Variants in SDK1 observed in about 807,000 individuals in gnomAD.
SDK1 encodes protein sidekick-1.
SDK1 carries 157 observed loss-of-function variants against 245.5 expected under a neutral mutation model. That is an observed-to-expected ratio of 0.64 (90% CI 0.56 to 0.73). SDK1 has a LOEUF of 0.73. Ranked by LOEUF, SDK1 falls within the 30% of genes least tolerant of loss-of-function variation. SDK1 has a pLI of 0.00. For missense variants in SDK1, 3,583 were observed against 3,002.3 expected (o/e 1.19, Z -4.52); for synonymous variants, 1,647 against 1,278.5 (o/e 1.29, Z -6.15).
chr7:3,475,997 T>A (rs1309126398), intron 1 of SDK1: 160 of 152,688 alleles, frequency 1.0e-3, no homozygotes, highest in Non-Finnish European at 1.2e-4. Context: ...GCTTATTATC[T>A]TTTGGTAATT....
At chr7:3,795,499 A>G (rs138320233) in intron 4 of SDK1, among the ~76,000 whole-genome samples, 1 of 152,190 alleles carries the variant, frequency 6.6e-6, no homozygotes, top group Non-Finnish European at 1.5e-5. Flanking sequence ...AAGGAATCTT[A>G]GTGACTTTAA....
chr7:3,756,202 A>T (rs551421721), intron 4 of SDK1, among the ~76,000 whole-genome samples: 1 of 149,396 alleles, frequency 6.7e-6, no homozygotes, highest in Admixed American at 6.7e-5. Context: ...TTCACATGGC[A>T]TAGCACCTGT....
chr7:3,691,330 G>T (rs141900956), intron 4 of SDK1, among the ~76,000 whole-genome samples: 4 of 152,126 alleles, frequency 2.6e-5, no homozygotes, highest in African/African-American at 7.2e-5. Context: ...GCTCTTACTC[G>T]AAGTACAAGA....
chr7:3,969,332 C>T lies in SDK1; in HGVS notation c.1622C>T (p.Ala541Val), dbSNP rs200916324. ...CTTGAATCGGGGGGTCTACAGATCG[C>T]GCCCGTCTTCATCCAGGATGCCGGC... is the stretch of plus-strand genomic sequence containing the variant. Reference protein sequence around the residue: ...MLLESGGLQIAPVFIQDAGNY... With the variant: ...MLLESGGLQIVPVFIQDAGNY... The change falls in exon 11 of 45, where the codon GCG (alanine) becomes GTG (valine). Residue 541 changes from alanine (A) to valine (V), a missense_variant. Ala to Val is a moderately conservative substitution (Grantham distance 64). Transcript: ENST00000404826. The T allele has an allele frequency of 1.2e-5, 19 of 1,611,186 alleles. No individual in the cohort carries two copies. Among genetic ancestry groups the T allele is most frequent in the African/African-American group, 1.1e-4 (8 of 74,938 alleles).
intron 1 of SDK1, among the ~76,000 whole-genome samples, chr7:3,521,297 C>G (rs759040806): frequency 7.2e-5 from 11 of 152,186 alleles, no homozygotes; most frequent in Non-Finnish European, 1.6e-4. Flanking sequence ...GCCAAGTAAT[C>G]CAGAGTAAGC....
intron 1 of SDK1, among the ~76,000 whole-genome samples, chr7:3,363,866 C>T (rs1230902334): frequency 6.6e-6 from 1 of 152,132 alleles, no homozygotes. Flanking sequence ...GGTTGGGGAC[C>T]CCTGGTTTAA....
At chr7:3,970,437 C>G (rs1482700626) in intron 11 of SDK1, among the ~76,000 whole-genome samples, 2 of 152,202 alleles carry the variant, frequency 1.3e-5, no homozygotes, top group Non-Finnish European at 2.9e-5. Context: ...TGGTGGATGA[C>G]TCTGTCAGCC....
intron 4 of SDK1, among the ~76,000 whole-genome samples, chr7:3,656,411 G>C (rs1783186553): frequency 6.6e-6 from 1 of 152,272 alleles, no homozygotes; most frequent in South Asian, 2.1e-4. Flanking sequence ...TTGTTCCTCT[G>C]ACAAATACCT....
intron 34 of SDK1, among the ~76,000 whole-genome samples, 165 bp downstream of exon 34, chr7:4,175,999 G>A (rs1782186752): frequency 6.6e-6 from 1 of 152,172 alleles, no homozygotes; most frequent in African/African-American, 2.4e-5. Flanking sequence ...CAGGGAGATA[G>A]GAAAAGAAGC....
At chr7:3,577,014 C>T (rs1443253971) in intron 1 of SDK1, among the ~76,000 whole-genome samples, 1 of 151,920 alleles carries the variant, frequency 6.6e-6, no homozygotes, top group African/African-American at 2.4e-5. Flanking sequence ...TTCATCGATG[C>T]CCTTGTGGCC....
chr7:4,097,268 C>G (rs28524749), intron 22 of SDK1, among the ~76,000 whole-genome samples: 1 of 151,752 alleles, frequency 6.6e-6, no homozygotes, highest in Admixed American at 6.6e-5. Context: ...AGCTCCTGTA[C>G]GGCCAGGGGC....
intron 5 of SDK1, among the ~76,000 whole-genome samples, chr7:3,840,102 A>G (rs1220838111): frequency 9.9e-5 from 15 of 152,232 alleles, no homozygotes; most frequent in Non-Finnish European, 1.5e-5. Context: ...AAATTAAAAC[A>G]CTTAAATGTA....
At chr7:3,887,172 G>A (rs1481876951) in intron 5 of SDK1, among the ~76,000 whole-genome samples, 23 of 152,164 alleles carry the variant, frequency 1.5e-4, no homozygotes, top group Admixed American at 1.5e-3. Context: ...GTACTCAGGG[G>A]TCCAGGCTGC....
intron 1 of SDK1, among the ~76,000 whole-genome samples, chr7:3,476,819 C>T (rs1428801335): frequency 6.6e-6 from 1 of 152,162 alleles, no homozygotes; most frequent in Non-Finnish European, 1.5e-5. Flanking sequence ...TGACTGGGAA[C>T]TCAGGCCTAA....
rs150010824 is a variant in SDK1 at position 4,266,223 on chromosome 7, G to A, written c.*839G>A. ...CGGCGTCTCCAGAATTGCTTGTTAC[G>A]TAGGAAGCGTGCATTGTTAACCAGA... On this transcript the variant is annotated 3_prime_UTR_variant, in exon 45 of 45. Coordinates refer to ENST00000404826, the MANE Select transcript of SDK1 (RefSeq NM_152744.4). The A allele has an allele frequency of 2.9e-5, 29 of 985,460 alleles. No homozygotes were observed. In the South Asian group the frequency reaches 1.2e-3, roughly 40 times the overall value. 61.0% of individuals were successfully genotyped at this position (985,460 alleles called of 1,614,324 possible).
intron 1 of SDK1, among the ~76,000 whole-genome samples, chr7:3,606,769 CCTTTT>C (rs1326778194): frequency 6.6e-6 from 1 of 152,028 alleles, no homozygotes; most frequent in Non-Finnish European, 1.5e-5. Flanking sequence ...TCCTCTTCTT[CCTTTT>C]ATTTTTTCTA....
chr7:3,996,015 G>C (rs768200431), intron 14 of SDK1, among the ~76,000 whole-genome samples: 30 of 151,896 alleles, frequency 2.0e-4, no homozygotes, highest in Non-Finnish European at 3.8e-4. Context: ...TATTCTTATA[G>C]GTTTTTGCCT....
At chr7:3,438,706 T>A (rs1278745276) in intron 1 of SDK1, among the ~76,000 whole-genome samples, 1 of 152,206 alleles carries the variant, frequency 6.6e-6, no homozygotes, top group Admixed American at 6.5e-5. Flanking sequence ...ATTCTTTCTT[T>A]CCTCAGTAAA....
At position 3,461,389 on chromosome 7, in the gene SDK1, T is replaced by C. The variant is rs560773376; in HGVS notation, c.299-157691T>C. On this transcript the variant is annotated intron_variant, in intron 1 of 44. Coordinates refer to ENST00000404826, the MANE Select transcript of SDK1 (RefSeq NM_152744.4). ...GTAACTCTGAGTGGTATAACAAAGA[T>C]ATCAAATTTTAGATAACACCCACAT... Among the ~76,000 whole-genome samples the C allele has an allele frequency of 7.9e-5, 12 of 152,318 alleles. No homozygotes were observed. In the South Asian group the frequency reaches 2.5e-3, roughly 32 times the overall value.
Sources: allele counts gnomAD v4.1 joint callset (sites outside exome capture counted in the v4.1 genomes callset), GRCh38; gene constraint gnomAD v4.1.1; transcripts MANE v1.5; gene names NCBI Gene and HGNC (gene_info 2026-07-23, HGNC 2026-07-21).